Variants in NKAIN3 observed in about 807,000 individuals in gnomAD.
NKAIN3 encodes the protein sodium/potassium-transporting ATPase subunit beta-1-interacting protein 3.
Under a neutral mutation model 30.2 loss-of-function variants are expected in NKAIN3, and 25 were observed. That is an observed-to-expected ratio of 0.83 (90% confidence interval 0.60 to 1.16). The LOEUF (loss-of-function observed/expected upper bound fraction) is 1.16, where lower values mean the gene tolerates loss of function less well. Ranked by LOEUF, NKAIN3 falls within the 50% of genes most tolerant of loss-of-function variation. The probability of loss-of-function intolerance (pLI) is 0.00; values close to 1 mark genes in which losing one functional copy is unlikely to be tolerated. For missense variants in NKAIN3, 225 were observed against 254.1 expected, an observed-to-expected ratio of 0.89 and a Z score of 0.78; for synonymous variants, 91 against 89.6, an observed-to-expected ratio of 1.02 and a Z score of -0.09.
intron 4 of NKAIN3, among the ~76,000 whole-genome samples, chr8:62,804,276 A>T (rs1221495982): frequency 6.6e-6 from 1 of 152,224 alleles, no homozygotes; most frequent in Non-Finnish European, 1.5e-5. Context: ...GGCCAGCATC[A>T]TCCTGATACC....
chr8:62,380,730 A>C (rs924584844), intron 1 of NKAIN3, among the ~76,000 whole-genome samples: 1 of 152,226 alleles, frequency 6.6e-6, no homozygotes, highest in Admixed American at 6.5e-5. Context: ...ATTCAAGTGC[A>C]AATAAAACAA....
At chr8:62,345,374 CATATATGT>C (rs1563942331) in intron 1 of NKAIN3, among the ~76,000 whole-genome samples, 38 of 20,352 alleles carry the variant, frequency 1.9e-3, no homozygotes, top group Middle Eastern at 0.05. Flanking sequence ...TATATATACA[CATATATGT>C]ATATATACAC....
chr8:62,889,930 GTA>G (rs1821253706), intron 4 of NKAIN3, among the ~76,000 whole-genome samples: 1 of 151,760 alleles, frequency 6.6e-6, no homozygotes, highest in Admixed American at 6.6e-5. Flanking sequence ...CAGTGGAATG[GTA>G]TAAAAAAAAA....
chr8:62,495,854 T>A (rs775189083), intron 1 of NKAIN3, among the ~76,000 whole-genome samples: 1 of 152,074 alleles, frequency 6.6e-6, no homozygotes, highest in African/African-American at 2.4e-5. Context: ...AACAAGTTAA[T>A]TCATGAGTTG....
intron 1 of NKAIN3, among the ~76,000 whole-genome samples, chr8:62,357,578 ATTTTT>A (rs958460672): frequency 6.6e-6 from 1 of 152,046 alleles, no homozygotes. Flanking sequence ...CCTAAATGAA[ATTTTT>A]TTTGTTTGGC....
rs1236173852 is a variant in NKAIN3 at position 62,972,606 on chromosome 8, G to GAATA, written c.*7203_*7206dup. 7.2e-5 allele frequency among the ~76,000 whole-genome samples: 11 copies of GAATA among 152,088 alleles called. No homozygotes were observed. Among genetic ancestry groups the GAATA allele is most frequent in the African/African-American group, 2.7e-4 (11 of 41,402 alleles). On this transcript the variant is annotated 3_prime_UTR_variant, in exon 7 of 7. Transcript: ENST00000623646. ...CAGATTATACACATGAGACAGTGGT[G>GAATA]AATAAATCCACCCCAAAATTCCTTT...
chr8:62,624,351 C>T lies in NKAIN3; in HGVS notation c.273+34557C>T, dbSNP rs567806392. Among the ~76,000 whole-genome samples the T allele has an allele frequency of 1.1e-4, 16 of 151,942 alleles. No individual in the cohort carries two copies. The South Asian group carries it at 2.5e-3, about 24-fold the overall frequency. ...CAAGATGGAGTTGCTGTGGTTCAAA[C>T]ACTTCTGAAAATTTCAGAGTTCTAG... On this transcript the variant is annotated intron_variant, in intron 3 of 6. Coordinates refer to ENST00000623646, the MANE Select transcript of NKAIN3 (RefSeq NM_001304533.3).
At chr8:62,962,237 C>A (rs770077700) in intron 6 of NKAIN3, among the ~76,000 whole-genome samples, 1 of 152,142 alleles carries the variant, frequency 6.6e-6, no homozygotes, top group African/African-American at 2.4e-5. Context: ...TCACAAAATT[C>A]TGTGTCCTTT....
chr8:62,758,964 T>A (rs1217768674), intron 4 of NKAIN3, among the ~76,000 whole-genome samples: 1 of 152,218 alleles, frequency 6.6e-6, no homozygotes, highest in Admixed American at 6.5e-5. Context: ...CTTCACTTAA[T>A]ATATGGTCCC....
At chr8:62,488,890 C>T (rs1806984070) in intron 1 of NKAIN3, among the ~76,000 whole-genome samples, 1 of 152,116 alleles carries the variant, frequency 6.6e-6, no homozygotes, top group Non-Finnish European at 1.5e-5. Context: ...CACTTAGCAC[C>T]TGTGTATCCT....
At chr8:62,630,035 G>C (rs1308606887) in intron 3 of NKAIN3, among the ~76,000 whole-genome samples, 1 of 152,008 alleles carries the variant, frequency 6.6e-6, no homozygotes, top group Non-Finnish European at 1.5e-5. Context: ...GAAAAAGAGA[G>C]AACCACATTC....
At chr8:62,515,167 A>G (rs1807945553) in intron 1 of NKAIN3, among the ~76,000 whole-genome samples, 1 of 152,180 alleles carries the variant, frequency 6.6e-6, no homozygotes, top group Admixed American at 6.5e-5. Flanking sequence ...ACATTTTAAG[A>G]AAAGAAAATT....
At chr8:62,771,904 T>A (rs2130637653) in intron 4 of NKAIN3, among the ~76,000 whole-genome samples, 1 of 152,334 alleles carries the variant, frequency 6.6e-6, no homozygotes, top group South Asian at 2.1e-4. Flanking sequence ...CCTTTCTTTG[T>A]GTTACAAACA....
At chr8:62,611,747 C>A (rs1352220593) in intron 3 of NKAIN3, among the ~76,000 whole-genome samples, 1 of 152,074 alleles carries the variant, frequency 6.6e-6, no homozygotes, top group Non-Finnish European at 1.5e-5. Flanking sequence ...GGGCAACAAA[C>A]ATAGGAGTGC....
chr8:62,895,043 T>C (rs933919254), intron 4 of NKAIN3, among the ~76,000 whole-genome samples: 1 of 152,194 alleles, frequency 6.6e-6, no homozygotes, highest in Non-Finnish European at 1.5e-5. Flanking sequence ...AGGTTTTAAG[T>C]AGGTTTTAAG....
intron 4 of NKAIN3, among the ~76,000 whole-genome samples, chr8:62,834,420 G>C (rs1361628489): frequency 6.6e-6 from 1 of 152,014 alleles, no homozygotes; most frequent in Admixed American, 6.6e-5. Context: ...TCTATACCTA[G>C]AAAACTTTAA....
At chr8:62,963,933 C>T (rs1823638150) in intron 6 of NKAIN3, among the ~76,000 whole-genome samples, 1 of 152,052 alleles carries the variant, frequency 6.6e-6, no homozygotes, top group African/African-American at 2.4e-5. Flanking sequence ...TCAGCCATTC[C>T]AAATTATAAC....
At chr8:62,592,437 G>A (rs186821431) in intron 3 of NKAIN3, among the ~76,000 whole-genome samples, 2 of 151,964 alleles carry the variant, frequency 1.3e-5, no homozygotes, top group Non-Finnish European at 2.9e-5. Context: ...TAAGACTATA[G>A]AAAGAAACTG....
chr8:62,985,416 G>A (rs1348995885), downstream of NKAIN3, among the ~76,000 whole-genome samples: 1 of 152,124 alleles, frequency 6.6e-6, no homozygotes, highest in Non-Finnish European at 1.5e-5. Flanking sequence ...TCACAGGCTG[G>A]TCTCCATCAG....
Sources: allele counts gnomAD v4.1 joint callset (sites outside exome capture counted in the v4.1 genomes callset), GRCh38; gene constraint gnomAD v4.1.1; transcripts MANE v1.5; gene names NCBI Gene and HGNC (gene_info 2026-07-23, HGNC 2026-07-21).